Variants in CDHR2 observed in about 807,000 individuals in gnomAD.
The protein encoded by CDHR2 is cadherin-related family member 2.
Under a neutral mutation model 138.6 loss-of-function variants are expected in CDHR2, and 104 were observed. The observed-to-expected ratio is 0.75, with a 90% CI of 0.64 to 0.88. The LOEUF (loss-of-function observed/expected upper bound fraction) is 0.88, where lower values mean the gene tolerates loss of function less well. CDHR2 is among the 40% of genes least tolerant of loss of function. The probability of loss-of-function intolerance (pLI) is 0.00; values close to 1 mark genes in which losing one functional copy is unlikely to be tolerated. For missense variants in CDHR2, 1,624 were observed against 1,727.6 expected, an observed-to-expected ratio of 0.94 and a Z score of 1.06; for synonymous variants, 755 against 742.8, an observed-to-expected ratio of 1.02 and a Z score of -0.27.
chr5:176,593,457 G>A (rs1217933733), intron 31 of CDHR2, among the ~76,000 whole-genome samples: 2 of 152,244 alleles, frequency 1.3e-5, no homozygotes, highest in Non-Finnish European at 2.9e-5. Flanking sequence ...TAAGGTGCAG[G>A]CACGGTGGAC....
chr5:176,569,999 G>GA (rs1323186942), intron 5 of CDHR2, among the ~76,000 whole-genome samples: 8 of 151,834 alleles, frequency 5.3e-5, no homozygotes, highest in East Asian at 3.9e-4. Flanking sequence ...AGTCCCCTTG[G>GA]AAAATCCTTT....
In CDHR2 at chr5:176,557,702, CTTTCTTTCT is replaced by C. The variant is rs1163383696; in HGVS notation, c.-15-7632_-15-7624del. ...TTGATTTTTTTTTCTTTCTTTCTTT[CTTTCTTTCT>C]TTTTTTTTTATTTTGAAATGGAGTC... is the stretch of plus-strand genomic sequence containing the variant. On this transcript the variant is annotated intron_variant, in intron 1 of 31. Coordinates refer to ENST00000261944, the MANE Select transcript of CDHR2 (RefSeq NM_017675.6). Among the ~76,000 whole-genome samples the C allele has an allele frequency of 2.8e-5, 4 of 141,182 alleles. No individual in the cohort carries two copies. In the South Asian group the frequency reaches 8.9e-4, roughly 31 times the overall value. The allele number at this position is 141,182 out of a possible 152,430, so 92.6% of individuals were successfully genotyped here.
At position 176,549,342 on chromosome 5, in the gene CDHR2, G is replaced by T. The variant is rs763320186; in HGVS notation, c.-88G>T. The T allele has an allele frequency of 6.6e-6, 1 of 152,412 alleles. No individual in the cohort carries two copies. The highest frequency in any genetic ancestry group is 6.5e-5 in the Admixed American group (1 of 15,284). The allele number at this position is 152,412 out of a possible 1,614,324, so 9.4% of individuals were successfully genotyped here. ...TCTGCTGGCCACATAGCTGCAGGCC[G>T]CAGAGGGTGCCCACCTGTGTGCCAG... On this transcript the variant is annotated 5_prime_UTR_variant, in exon 1 of 32. Coordinates refer to ENST00000261944, the MANE Select transcript of CDHR2 (RefSeq NM_017675.6).
At chr5:176,588,957 C>T in intron 21 of CDHR2, 74 bp from the exon 22 acceptor site, 1 of 1,535,468 alleles carries the variant, frequency 6.5e-7, no homozygotes, top group East Asian at 2.3e-5. Flanking sequence ...GCCACCCTTG[C>T]CTCTGATCCC....
At chr5:176,566,457 A>G (rs1758082820) in intron 3 of CDHR2, among the ~76,000 whole-genome samples, 1 of 152,224 alleles carries the variant, frequency 6.6e-6, no homozygotes, top group Non-Finnish European at 1.5e-5. Context: ...AGTAGAAACC[A>G]TAGGTGGCCG....
intron 6 of CDHR2, among the ~76,000 whole-genome samples, 157 bp from the exon 7 acceptor site, chr5:176,573,926 C>A (rs1378548809): frequency 1.3e-5 from 2 of 152,096 alleles, no homozygotes; most frequent in African/African-American, 4.8e-5. Context: ...GCCCCGCACC[C>A]CCAGGTGCCT....
intron 2 of CDHR2, 119 bp from the exon 3 acceptor site, chr5:176,565,553 T>TTCCTCC: frequency 8.2e-7 from 1 of 1,217,946 alleles, no homozygotes; most frequent in Non-Finnish European, 1.2e-6. Flanking sequence ...TGGGGAGGAA[T>TTCCTCC]CCAGGCCTGG....
In CDHR2 at chr5:176,553,849, C is replaced by T. The variant is rs1358875807; in HGVS notation, c.-16+4435C>T. Among the ~76,000 whole-genome samples the T allele has an allele frequency of 4.6e-5, 7 of 152,288 alleles. No homozygotes were observed. In the South Asian group the frequency reaches 6.2e-4, roughly 14 times the overall value. The stretch of plus-strand genomic sequence containing the variant: ...CTTACCACCACCAGTGCCACCCCTA[C>T]CCCCGAGGGATCCCTATCCTGATAT... On this transcript the variant is annotated intron_variant, in intron 1 of 31. Transcript: ENST00000261944. This position sits in a 1 kb window ranked among gnomAD's most constrained non-coding sequence, Gnocchi z 4.3.
Position 176,565,168 on chromosome 5 carries a change from T to C in CDHR2, c.-15-170T>C, listed in dbSNP as rs2113277988. On this transcript the variant is annotated intron_variant, in intron 1 of 31. Coordinates refer to ENST00000261944, the MANE Select transcript of CDHR2 (RefSeq NM_017675.6). ...CTACCCCACCTGGCCTCCCCCTTGG[T>C]TCCCCTGACCCTAGAGCATCTGGAA... 6.7e-6 allele frequency: 4 copies of C among 598,180 alleles called. No individual in the cohort carries two copies. The South Asian group carries it at 8.1e-5, about 12-fold the overall frequency. 37.1% of individuals were successfully genotyped at this position (598,180 alleles called of 1,614,324 possible).
At chr5:176,592,598 G>A (rs1219020123) in intron 30 of CDHR2, 125 bp from the exon 31 acceptor site, 1 of 752,760 alleles carries the variant, frequency 1.3e-6, no homozygotes, top group East Asian at 2.5e-5. Flanking sequence ...GATGGTGGTG[G>A]TGGTGATGGT....
At chr5:176,558,622 C>T (rs191123202) in intron 1 of CDHR2, among the ~76,000 whole-genome samples, 2,635 of 150,984 alleles carry the variant, frequency 0.017, 68 homozygotes, top group African/African-American at 0.06. Context: ...TGACCTCAGG[C>T]GATCCACCCA....
At chr5:176,593,498 G>A (rs1758940034) in intron 31 of CDHR2, among the ~76,000 whole-genome samples, 1 of 152,242 alleles carries the variant, frequency 6.6e-6, no homozygotes, top group African/African-American at 2.4e-5. Flanking sequence ...GGCTGAGTGT[G>A]GGGTGGGTCC....
chr5:176,591,970 G>A (rs62646220), intron 30 of CDHR2, among the ~76,000 whole-genome samples: 2 of 143,528 alleles, frequency 1.4e-5, no homozygotes, highest in African/African-American at 5.2e-5. Flanking sequence ...GGTGGTGGTG[G>A]TGGTGGTGTT....
intron 1 of CDHR2, among the ~76,000 whole-genome samples, chr5:176,550,227 C>T (rs1354436581): frequency 6.6e-6 from 1 of 152,224 alleles, no homozygotes; most frequent in East Asian, 1.9e-4. Flanking sequence ...TGCTTCTCAG[C>T]AGGGGAAACT....
chr5:176,565,519 G>A, intron 2 of CDHR2, 115 bp downstream of exon 2: 1 of 1,276,404 alleles, frequency 7.8e-7, no homozygotes, highest in Non-Finnish European at 1.1e-6. Context: ...GGCCAGCCCT[G>A]TGCTTGGCTA....
rs1315262560 is a variant in CDHR2, at chr5:176,571,241, A to AAG, written c.346_347dup (p.Asp116GlufsTer49). The AAG allele has an allele frequency of 6.2e-7, 1 of 1,612,970 alleles. No individual in the cohort carries two copies. The highest frequency in any genetic ancestry group is 1.3e-5 in the African/African-American group (1 of 74,908). The stretch of plus-strand genomic sequence containing the variant: ...CAGAGGGAGATGCTGGTGATTGTGG[A>AAG]AGATAGAAACGACAACGCACCCGTT... On this transcript the variant is annotated frameshift_variant, in exon 6 of 32. Transcript: ENST00000261944. LOFTEE classifies it high-confidence loss of function.
intron 11 of CDHR2, 40 bp from the exon 12 acceptor site, chr5:176,575,912 C>T (rs370602306): frequency 1.3e-6 from 2 of 1,582,278 alleles, no homozygotes; most frequent in African/African-American, 1.3e-5. Flanking sequence ...TCTCTCTGAG[C>T]ACTGGCTCTC....
intron 31 of CDHR2, 150 bp downstream of exon 31, chr5:176,592,930 G>A: frequency 1.4e-6 from 1 of 705,492 alleles, no homozygotes; most frequent in South Asian, 1.6e-5. Context: ...TTGGAATGGG[G>A]TCCAATTCCT....
At chr5:176,557,953 G>A (rs992981117) in intron 1 of CDHR2, among the ~76,000 whole-genome samples, 19 of 152,010 alleles carry the variant, frequency 1.2e-4, no homozygotes, top group African/African-American at 4.1e-4. Context: ...TGATCCACCC[G>A]CCTTGGCCTC....
Sources: gnomAD v4.1 joint callset for allele counts (sites outside exome capture counted in the v4.1 genomes callset) on GRCh38, gnomAD v4.1.1 for gene constraint, Gnocchi (gnomAD v3.1) non-coding constraint, MANE v1.5 for transcripts, NCBI Gene and HGNC (gene_info 2026-07-23, HGNC 2026-07-21) for gene names.